Variants in RPS6KA5 observed in about 807,000 individuals in gnomAD.
RPS6KA5 encodes the protein ribosomal protein S6 kinase alpha-5.
RPS6KA5 carries 27 observed loss-of-function variants against 85.5 expected under a neutral mutation model. That is an observed-to-expected ratio of 0.32 (90% CI 0.23 to 0.44). The LOEUF is 0.44. Ranked by LOEUF, RPS6KA5 falls within the 20% of genes least tolerant of loss-of-function variation. The pLI is 1.00. For synonymous variants in RPS6KA5, 334 were observed against 348.2 expected (o/e 0.96, Z 0.46); for missense variants, 811 against 980.9 (o/e 0.83, Z 2.31).
chr14:90,966,181 T>C (rs1280319679), intron 3 of RPS6KA5, among the ~76,000 whole-genome samples: 2 of 152,194 alleles, frequency 1.3e-5, no homozygotes, highest in Non-Finnish European at 2.9e-5. Flanking sequence ...GTCAATTAGC[T>C]ACAGAATTGA....
intron 4 of RPS6KA5, among the ~76,000 whole-genome samples, chr14:90,943,624 T>C (rs2037711475): frequency 6.6e-6 from 1 of 152,216 alleles, no homozygotes; most frequent in South Asian, 2.1e-4. Flanking sequence ...TATGTTTACA[T>C]TGTACTTACC....
In RPS6KA5 at chr14:90,947,468, T is replaced by G. The variant is rs752984021; in HGVS notation, c.477A>C (p.Gly159=). ...GATGTTCGAGGGCAAGCACAATCTC[T>G]CCAACATAAATCTGCACCTCATGCT... ...FTEHEVQIYV[G]EIVLALEHLH... is the part of the protein sequence containing the mutation. Residue 159 remains glycine (G), a synonymous_variant, in exon 4 of 17, where the codon GGA becomes GGC. Transcript: ENST00000614987. 1 of 1,611,986 alleles carries G rather than the reference T, an allele frequency of 6.2e-7. No homozygotes were observed. Among genetic ancestry groups the G allele is most frequent in the Non-Finnish European group, 8.5e-7 (1 of 1,178,146 alleles).
Position 90,930,371 on chromosome 14 carries a change from T to C in RPS6KA5, c.619-7175A>G, listed in dbSNP as rs76596404. ...TAAAAGGTAATTGGGTTATTTGTAT[T>C]AAAAATATAAAATATTTCCACCTGA... On this transcript the variant is annotated intron_variant, in intron 5 of 16. Coordinates refer to ENST00000614987, the MANE Select transcript of RPS6KA5 (RefSeq NM_004755.4). Among the ~76,000 whole-genome samples, 582 of 152,298 alleles carry C rather than the reference T, an allele frequency of 3.8e-3. 25 individuals are homozygous for C. In the East Asian group the frequency reaches 0.099, roughly 26 times the overall value.
At chr14:90,886,254 G>A (rs1012310544) in intron 14 of RPS6KA5, among the ~76,000 whole-genome samples, 1 of 152,074 alleles carries the variant, frequency 6.6e-6, no homozygotes, top group Non-Finnish European at 1.5e-5. Context: ...GCATTAAAAT[G>A]TTCAAAATAA....
intron 3 of RPS6KA5, among the ~76,000 whole-genome samples, chr14:90,960,280 G>A (rs528914434): frequency 1.3e-5 from 2 of 152,154 alleles, no homozygotes; most frequent in East Asian, 1.9e-4. Flanking sequence ...TAGGGCTCGG[G>A]CATGCCCCTG....
At chr14:90,986,582 T>C (rs1430608906) in intron 2 of RPS6KA5, among the ~76,000 whole-genome samples, 2 of 152,248 alleles carry the variant, frequency 1.3e-5, no homozygotes, top group Admixed American at 1.3e-4. Flanking sequence ...CTGCTGGAGT[T>C]AATGACCACC....
intron 14 of RPS6KA5, among the ~76,000 whole-genome samples, chr14:90,886,022 G>C (rs2034202518): frequency 6.6e-6 from 1 of 151,816 alleles, no homozygotes; most frequent in African/African-American, 2.4e-5. Context: ...GGATAACTTT[G>C]TGTCTGCAAA....
Position 90,908,885 on chromosome 14 carries a change from C to A in RPS6KA5, c.807-2586G>T, listed in dbSNP as rs1423709208. Among the ~76,000 whole-genome samples the A allele has an allele frequency of 2.6e-5, 4 of 152,248 alleles. No homozygotes were observed. In the East Asian group the frequency reaches 7.7e-4, roughly 29 times the overall value. ...AGGGACAGTTGCTGCTCTGAGCTTC[C>A]CATGCTGGGGTGGTCCACAAGCTCC... On this transcript the variant is annotated intron_variant, in intron 7 of 16. Coordinates refer to ENST00000614987, the MANE Select transcript of RPS6KA5 (RefSeq NM_004755.4).
At chr14:90,904,291 GC>G (rs1297326957) in intron 8 of RPS6KA5, among the ~76,000 whole-genome samples, 2 of 152,120 alleles carry the variant, frequency 1.3e-5, no homozygotes, top group African/African-American at 4.8e-5. Flanking sequence ...GAGCCACTGC[GC>G]CTGGCCCATA....
intron 2 of RPS6KA5, among the ~76,000 whole-genome samples, chr14:90,998,432 C>G (rs549785013): frequency 6.6e-6 from 1 of 152,214 alleles, no homozygotes; most frequent in East Asian, 1.9e-4. Flanking sequence ...TAAAAACATG[C>G]AGATAAAACA....
rs1236620385 is a variant in RPS6KA5, at chr14:90,900,723, A to G, written c.1133T>C (p.Val378Ala). Residue 378 changes from valine to alanine, a missense_variant, in exon 10 of 17, where the codon GTT becomes GCT. Val to Ala is a moderately conservative substitution (Grantham distance 64, BLOSUM62 0). Coordinates refer to ENST00000614987, the MANE Select transcript of RPS6KA5 (RefSeq NM_004755.4). ...ACGCTTGAATAGGATGGAAGGAGCA[A>G]CAAAGGAATAGCCCTAAAAACAAGA... Reference protein sequence around the residue: ...SEKLFQGYSFVAPSILFKRNA... With the variant: ...SEKLFQGYSFAAPSILFKRNA... 42 of 1,612,212 alleles carry G rather than the reference A, an allele frequency of 2.6e-5. No individual in the cohort carries two copies. The highest frequency in any genetic ancestry group is 3.6e-5 in the Non-Finnish European group (42 of 1,179,358).
intron 1 of RPS6KA5, among the ~76,000 whole-genome samples, chr14:91,027,770 A>G (rs79938622): frequency 0.022 from 3,335 of 152,286 alleles, 44 homozygotes; most frequent in Non-Finnish European, 0.031. Flanking sequence ...AGTGGAAATA[A>G]AGCTTTTAAA....
chr14:91,001,367 G>T lies in RPS6KA5; in HGVS notation c.104-208C>A, dbSNP rs551197546. Among the ~76,000 whole-genome samples, 10 of 152,060 alleles carry T rather than the reference G, an allele frequency of 6.6e-5. No homozygotes were observed. The South Asian group carries it at 2.1e-3, about 32-fold the overall frequency. ...CAATAAAACTTTTTTTGGAATTTAG[G>T]AACTATATATATCATTTGTACCAAA... On this transcript the variant is annotated intron_variant, in intron 1 of 16. Coordinates refer to ENST00000614987, the MANE Select transcript of RPS6KA5 (RefSeq NM_004755.4).
At chr14:90,936,989 G>A (rs2037292858) in intron 5 of RPS6KA5, among the ~76,000 whole-genome samples, 1 of 151,998 alleles carries the variant, frequency 6.6e-6, no homozygotes. Context: ...AGAAGAGAAG[G>A]TTGGCCAAGA....
chr14:90,889,225 C>T (rs8005619), intron 14 of RPS6KA5, among the ~76,000 whole-genome samples: 26,560 of 135,914 alleles, frequency 0.2, 2,661 homozygotes, highest in Middle Eastern at 0.28. Context: ...ATCCGGGAGG[C>T]GGAGGTTGCA....
At chr14:91,052,952 T>C (rs983352565) in intron 1 of RPS6KA5, among the ~76,000 whole-genome samples, 1 of 151,742 alleles carries the variant, frequency 6.6e-6, no homozygotes, top group Non-Finnish European at 1.5e-5. Context: ...CTTATGGATA[T>C]AGATACAAAT....
At chr14:90,896,201 G>A (rs1228605185) in intron 12 of RPS6KA5, among the ~76,000 whole-genome samples, 2 of 152,200 alleles carry the variant, frequency 1.3e-5, no homozygotes, top group African/African-American at 2.4e-5. Flanking sequence ...TGAGCTTGCA[G>A]GTCTGCTACA....
intron 2 of RPS6KA5, among the ~76,000 whole-genome samples, chr14:90,991,154 T>C (rs1208632806): frequency 1.3e-5 from 2 of 152,174 alleles, no homozygotes; most frequent in Non-Finnish European, 2.9e-5. Flanking sequence ...AAATGCAGTA[T>C]ATGTTCTTAA....
At chr14:91,011,068 C>T (rs954022385) in intron 1 of RPS6KA5, among the ~76,000 whole-genome samples, 13 of 152,252 alleles carry the variant, frequency 8.5e-5, no homozygotes, top group South Asian at 2.1e-4. Context: ...GAAATGAGAT[C>T]TATGCAAAGT....
Sources: allele counts gnomAD v4.1 joint callset (sites outside exome capture counted in the v4.1 genomes callset), GRCh38; gene constraint gnomAD v4.1.1; transcripts MANE v1.5; gene names NCBI Gene and HGNC (gene_info 2026-07-23, HGNC 2026-07-21).